CYP27C1: variants seen among roughly 807,000 people sequenced by gnomAD.
CYP27C1 encodes cytochrome P450 27C1.
Under a neutral mutation model 40.6 loss-of-function variants are expected in CYP27C1, and 29 were observed. That is an observed-to-expected ratio of 0.71 (90% confidence interval 0.53 to 0.97). The LOEUF is 0.97. Among genes scored for constraint, CYP27C1 ranks in the 50% least tolerant of loss-of-function variants. The pLI is 0.00. For missense variants in CYP27C1, 390 were observed against 485.8 expected, an observed-to-expected ratio of 0.80 and a Z score of 1.85; for synonymous variants, 198 against 186.8, an observed-to-expected ratio of 1.06 and a Z score of -0.49.
chr2:127,201,185 G>A lies in CYP27C1; in HGVS notation c.820C>T (p.Arg274Cys), dbSNP rs776104127. ...CGCCAGGGCTTTGGGATGAAGGGGC[G>A]AAGCCATCTGGGGATGGCGCCTGCA... ...MYAGAIPRWL[R>C]PFIPKPWREF... The change falls in exon 4 of 9, where the codon CGC becomes TGC. Residue 274 changes from arginine to cysteine, a missense_variant. By Grantham distance (180) the Arg-to-Cys change is radical. Coordinates refer to ENST00000664447, the MANE Select transcript of CYP27C1 (RefSeq NM_001367502.1). The surrounding 1 kb of genome is among the most constrained non-coding windows in gnomAD (Gnocchi z 6.0). 4.3e-6 allele frequency: 7 copies of A among 1,614,062 alleles called. No homozygotes were observed. Among genetic ancestry groups the A allele is most frequent in the East Asian group, 4.5e-5 (2 of 44,872 alleles).
rs921496506 is a variant in CYP27C1 at position 127,219,392 on chromosome 2, T to C, written c.282+597A>G. The stretch of plus-strand genomic sequence containing the variant: ...GGTGCCCTCCCCGCAGTCCCATTCC[T>C]GGTTTCCCTTCGCGGCGCCCCCTCC... On this transcript the variant is annotated intron_variant, in intron 1 of 8. Coordinates refer to ENST00000664447, the MANE Select transcript of CYP27C1 (RefSeq NM_001367502.1). This position sits in a 1 kb window ranked among gnomAD's most constrained non-coding sequence, Gnocchi z 8.7. Among the ~76,000 whole-genome samples, 1 of 151,576 alleles carries C rather than the reference T, an allele frequency of 6.6e-6. No individual in the cohort carries two copies. The highest frequency in any genetic ancestry group is 1.5e-5 in the Non-Finnish European group (1 of 67,848).
chr2:127,217,665 C>T (rs1683458884), intron 1 of CYP27C1, among the ~76,000 whole-genome samples: 2 of 152,174 alleles, frequency 1.3e-5, no homozygotes, highest in Non-Finnish European at 2.9e-5. Flanking sequence ...TCTACTCTGC[C>T]AATCACCAGC....
rs1173283115 is a variant in CYP27C1, at chr2:127,184,830, T to A, written c.*2441A>T. 6.6e-6 allele frequency: 1 copy of A among 152,410 alleles called. No individual in the cohort carries two copies. Among genetic ancestry groups the A allele is most frequent in the African/African-American group, 2.4e-5 (1 of 41,450 alleles). 9.4% of individuals were successfully genotyped at this position (152,410 alleles called of 1,614,324 possible). On this transcript the variant is annotated 3_prime_UTR_variant, in exon 9 of 9. Coordinates refer to ENST00000664447, the MANE Select transcript of CYP27C1 (RefSeq NM_001367502.1). ...TGCATCCCCATGGAGTTTGTTTGTG[T>A]GTTTGTTTGTTATGAAGTCTTGCTC... is the stretch of plus-strand genomic sequence containing the variant.
At chr2:127,211,370 T>C (rs1490352397) in intron 1 of CYP27C1, among the ~76,000 whole-genome samples, 1 of 15,366 alleles carries the variant, frequency 6.5e-5, no homozygotes, top group African/African-American at 1.6e-4. Flanking sequence ...TGTTTTTTTG[T>C]TTTTTTTTTT....
Position 127,187,385 on chromosome 2 carries a change from C to G in CYP27C1, c.1500G>C (p.Leu500Phe). The G allele has an allele frequency of 6.2e-7, 1 of 1,613,530 alleles. No homozygotes were observed. Among genetic ancestry groups the G allele is most frequent in the African/African-American group, 1.3e-5 (1 of 75,024 alleles). ...ELEIHLVVIQ[L>F]LQHFEIKTSS... Reference sequence around the variant, plus strand: ...ATGTTTTGATCTCAAAATGTTGAAGCAACTAAGAAGAGAAAGAGAGAGAAG... The same window carrying G: ...ATGTTTTGATCTCAAAATGTTGAAGGAACTAAGAAGAGAAAGAGAGAGAAG... Residue 500 changes from leucine to phenylalanine, a missense_variant and splice_region_variant, in exon 9 of 9, where the codon TTG becomes TTC. Physicochemically the swap from Leu to Phe is conservative, Grantham distance 22. Transcript: ENST00000664447.
rs1418713591 is a variant in CYP27C1, at chr2:127,187,290, C to T, written c.1595G>A (p.Arg532Gln). Residue 532 changes from arginine to glutamine, a missense_variant, in exon 9 of 9, where the codon CGA (arginine) becomes CAA (glutamine). Coordinates refer to ENST00000664447, the MANE Select transcript of CYP27C1 (RefSeq NM_001367502.1). ...CTAGGCTTACTTTCTGTTAACAAAT[C>T]GCACGTGGATGGGCCCCCCTGGCGT... is the stretch of plus-strand genomic sequence containing the variant. ...LLTPGGPIHV[R>Q]FVNRK 2 of 1,613,980 alleles carry T rather than the reference C, an allele frequency of 1.2e-6. No individual in the cohort carries two copies. The highest frequency in any genetic ancestry group is 1.7e-5 in the Admixed American group (1 of 60,004).
Position 127,199,401 on chromosome 2 carries a change from T to C in CYP27C1, c.1022A>G (p.Glu341Gly). 2 of 1,614,082 alleles carry C rather than the reference T, an allele frequency of 1.2e-6. No homozygotes were observed. The highest frequency in any genetic ancestry group is 1.7e-6 in the Non-Finnish European group (2 of 1,179,978). Residue 341 changes from glutamate to glycine, a missense_variant, in exon 5 of 9, where the codon GAG becomes GGG. Transcript: ENST00000664447. ...CGTGTCGACGCCGGCCAGCAGCATCTCAGTCACGTTGGCGTAGATCTCCTG... is the reference window on the plus strand; with the variant it reads ...CGTGTCGACGCCGGCCAGCAGCATCCCAGTCACGTTGGCGTAGATCTCCTG... ...TLQEIYANVT[E>G]MLLAGVDTTS...
chr2:127,211,888 A>G (rs199553601), intron 1 of CYP27C1, among the ~76,000 whole-genome samples: 1 of 152,194 alleles, frequency 6.6e-6, no homozygotes, highest in Admixed American at 6.5e-5. Flanking sequence ...CTCCAAAAAA[A>G]TCAATGAATC....
intron 1 of CYP27C1, among the ~76,000 whole-genome samples, chr2:127,217,204 G>T (rs1453187773): frequency 6.6e-6 from 1 of 152,174 alleles, no homozygotes. Flanking sequence ...TATACAGTCA[G>T]GCACAGTACT....
rs1229057729 is a variant in CYP27C1, at chr2:127,208,100, G to C, written c.283-2010C>G. 6.6e-6 allele frequency among the ~76,000 whole-genome samples: 1 copy of C among 152,152 alleles called. No homozygotes were observed. The highest frequency in any genetic ancestry group is 1.5e-5 in the Non-Finnish European group (1 of 68,020). On this transcript the variant is annotated intron_variant, in intron 1 of 8. Transcript: ENST00000664447. The surrounding 1 kb of genome is among the most constrained non-coding windows in gnomAD (Gnocchi z 5.2). ...TTAGTATGGGAGAGGGGCCAAGATG[G>C]CCAACTAGAAGCAGTGGTGCTCAGA... is the stretch of plus-strand genomic sequence containing the variant.
At position 127,201,166 on chromosome 2, in the gene CYP27C1, G is replaced by A. The variant is rs1317565245; in HGVS notation, c.839C>T (p.Pro280Leu). The change falls in exon 4 of 9, where the codon CCC becomes CTC. Residue 280 changes from proline to leucine, a missense_variant. Coordinates refer to ENST00000664447, the MANE Select transcript of CYP27C1 (RefSeq NM_001367502.1). This position sits in a 1 kb window ranked among gnomAD's most constrained non-coding sequence, Gnocchi z 6.0. ...CCAGGACCTGCAGAATTCCCGCCAG[G>A]GCTTTGGGATGAAGGGGCGAAGCCA... The part of the protein sequence containing the change: ...PRWLRPFIPK[P>L]WREFCRSWDG... 1 of 1,614,028 alleles carries A rather than the reference G, an allele frequency of 6.2e-7. No homozygotes were observed. The highest frequency in any genetic ancestry group is 1.1e-5 in the South Asian group (1 of 91,078).
Position 127,199,418 on chromosome 2 carries a change from G to T in CYP27C1, c.1005C>A (p.Ile335=), listed in dbSNP as rs1320313437. ...GCAGCATCTCAGTCACGTTGGCGTA[G>T]ATCTCCTGCAGCGTCAGAGCCTGGC... ...FLSQALTLQE[I]YANVTEMLLA... The change falls in exon 5 of 9, where the codon ATC becomes ATA. Residue 335 remains isoleucine (I), a synonymous_variant. Coordinates refer to ENST00000664447, the MANE Select transcript of CYP27C1 (RefSeq NM_001367502.1). The T allele has an allele frequency of 1.2e-6, 2 of 1,614,220 alleles. No homozygotes were observed. Among genetic ancestry groups the T allele is most frequent in the Admixed American group, 3.3e-5 (2 of 60,028 alleles).
chr2:127,220,280 C>G lies in CYP27C1; in HGVS notation c.-10G>C, dbSNP rs927149767. ...GCGCCAGCAGGGCCATGGCGCTCGT[C>G]TGCATCGGCTTGTTTGTCTGAGCAA... is the stretch of plus-strand genomic sequence containing the variant. On this transcript the variant is annotated 5_prime_UTR_variant, in exon 1 of 9. Coordinates refer to ENST00000664447, the MANE Select transcript of CYP27C1 (RefSeq NM_001367502.1). The surrounding 1 kb of genome is among the most constrained non-coding windows in gnomAD (Gnocchi z 4.6). 1.3e-5 allele frequency among the ~76,000 whole-genome samples: 2 copies of G among 151,976 alleles called. No individual in the cohort carries two copies. The highest frequency in any genetic ancestry group is 2.9e-5 in the Non-Finnish European group (2 of 67,906).
At chr2:127,203,760 A>G (rs1381939731) in intron 2 of CYP27C1, among the ~76,000 whole-genome samples, 189 bp from the exon 3 acceptor site, 1 of 152,198 alleles carries the variant, frequency 6.6e-6, no homozygotes. Context: ...GGAGCCTGTT[A>G]GAGCTTCTTA....
chr2:127,201,646 G>T lies in CYP27C1; in HGVS notation c.674-315C>A, dbSNP rs1381466710. Among the ~76,000 whole-genome samples the T allele has an allele frequency of 3.3e-5, 5 of 152,162 alleles. No individual in the cohort carries two copies. Among genetic ancestry groups the T allele is most frequent in the Non-Finnish European group, 7.3e-5 (5 of 68,030 alleles). On this transcript the variant is annotated intron_variant, in intron 3 of 8. Coordinates refer to ENST00000664447, the MANE Select transcript of CYP27C1 (RefSeq NM_001367502.1). This position sits in a 1 kb window ranked among gnomAD's most constrained non-coding sequence, Gnocchi z 6.0. ...GCTAAGGCTGCAGAGGAGGACCCTG[G>T]GACAGATCTGGAGCACAGGTCTGAA...
chr2:127,198,184 G>GAC (rs1205361557), intron 5 of CYP27C1, among the ~76,000 whole-genome samples: 10 of 56,196 alleles, frequency 1.8e-4, no homozygotes, highest in Admixed American at 8.8e-4. Context: ...GGAATTTGTT[G>GAC]ATACACACAC....
intron 8 of CYP27C1, among the ~76,000 whole-genome samples, chr2:127,188,804 C>A (rs2104670946): frequency 6.6e-6 from 1 of 152,272 alleles, no homozygotes; most frequent in East Asian, 1.9e-4. Context: ...TTTAAGGTAT[C>A]TCTTTTAAAT....
intron 1 of CYP27C1, among the ~76,000 whole-genome samples, chr2:127,206,552 C>A (rs1359446429): frequency 1.3e-5 from 2 of 152,196 alleles, no homozygotes; most frequent in Non-Finnish European, 2.9e-5. Flanking sequence ...AAGTGATCCT[C>A]CTGCCTCAGC....
In CYP27C1 at chr2:127,205,882, C is replaced by CA; in HGVS notation, c.473+17_473+18insT. 1 of 421,698 alleles carries CA rather than the reference C, an allele frequency of 2.4e-6. No homozygotes were observed. The highest frequency in any genetic ancestry group is 3.2e-6 in the Non-Finnish European group (1 of 314,294). The allele number at this position is 421,698 out of a possible 1,614,324, so 26.1% of individuals were successfully genotyped here. A position where few individuals can be genotyped will look rare whatever the true frequency, so the allele number is the denominator to read the frequency against. ...CTCCCCCTCCAGCCCGTGGCTCAGCCCGGGCCCACATACTCACGCCGAGAT... is the reference window on the plus strand; with the variant it reads ...CTCCCCCTCCAGCCCGTGGCTCAGCCACGGGCCCACATACTCACGCCGAGAT... On this transcript the variant is annotated intron_variant, in intron 2 of 8. Coordinates refer to ENST00000664447, the MANE Select transcript of CYP27C1 (RefSeq NM_001367502.1).
Sources: gnomAD v4.1 joint callset for allele counts (sites outside exome capture counted in the v4.1 genomes callset) on GRCh38, gnomAD v4.1.1 for gene constraint, Gnocchi (gnomAD v3.1) non-coding constraint, MANE v1.5 for transcripts, NCBI Gene and HGNC (gene_info 2026-07-23, HGNC 2026-07-21) for gene names.